The following SENP5 variants were observed in gnomAD, a reference collection of about 807,000 sequenced individuals.
SENP5 encodes the protein sentrin-specific protease 5.
SENP5 carries 21 observed loss-of-function variants against 74.2 expected under a neutral mutation model. That is an observed-to-expected ratio of 0.28 (90% confidence interval 0.20 to 0.41). The LOEUF is 0.41. Ranked by LOEUF, SENP5 falls within the 10% of genes least tolerant of loss-of-function variation. SENP5 has a pLI of 1.00. For synonymous variants in SENP5, 311 were observed against 312.7 expected (o/e 0.99, Z 0.06); for missense variants, 717 against 889.1 (o/e 0.81, Z 2.46).
intron 2 of SENP5, among the ~76,000 whole-genome samples, chr3:196,898,459 G>A (rs1012061126): frequency 3.8e-4 from 58 of 151,670 alleles, no homozygotes; most frequent in Non-Finnish European, 5.9e-4. Flanking sequence ...AATTAGCTGG[G>A]TGTGGTTTCA....
At position 196,886,041 on chromosome 3, in the gene SENP5, G is replaced by C; in HGVS notation, c.860G>C (p.Ser287Thr). The C allele has an allele frequency of 6.2e-7, 1 of 1,614,182 alleles. No homozygotes were observed. The highest frequency in any genetic ancestry group is 8.5e-7 in the Non-Finnish European group (1 of 1,180,028). Residue 287 changes from serine (S) to threonine (T), a missense_variant, in exon 2 of 10, where the codon AGT becomes ACT. By Grantham distance (58) the Ser-to-Thr change is moderately conservative (BLOSUM62 1). Coordinates refer to ENST00000323460, the MANE Select transcript of SENP5 (RefSeq NM_152699.5). ...ETRRENGEGG[S>T]CSPFPSPEPK... is the part of the protein sequence containing the mutation. ...CGTAGGGAGAACGGTGAGGGTGGCA[G>C]TTGCAGCCCATTTCCTTCCCCAGAA...
chr3:196,907,255 C>T (rs1276150807), intron 6 of SENP5, among the ~76,000 whole-genome samples: 2 of 151,904 alleles, frequency 1.3e-5, no homozygotes, highest in Non-Finnish European at 2.9e-5. Flanking sequence ...AGGCGGATCA[C>T]GAGGTCAGGA....
chr3:196,913,735 T>C, intron 6 of SENP5: 1 of 144,706 alleles, frequency 6.9e-6, no homozygotes, highest in Non-Finnish European at 1.5e-5. Context: ...CTGCAACCTC[T>C]GCCTCCTGGG....
chr3:196,882,955 TTA>T (rs1713793382), intron 1 of SENP5, among the ~76,000 whole-genome samples: 1 of 150,986 alleles, frequency 6.6e-6, no homozygotes, highest in African/African-American at 2.4e-5. Context: ...GGTGGACTAG[TTA>T]TAGTCTCCAG....
At chr3:196,882,118 C>T (rs781417439) in intron 1 of SENP5, among the ~76,000 whole-genome samples, 32 of 151,910 alleles carry the variant, frequency 2.1e-4, no homozygotes, top group Non-Finnish European at 8.8e-5. Flanking sequence ...AGGTTGGTCT[C>T]GAACTCCTGA....
At chr3:196,896,787 C>G (rs745525437) in intron 2 of SENP5, among the ~76,000 whole-genome samples, 4 of 151,990 alleles carry the variant, frequency 2.6e-5, no homozygotes, top group African/African-American at 9.7e-5. Context: ...ATCTTAACAC[C>G]CAGGGAGGCT....
chr3:196,882,262 T>C (rs1018888866), intron 1 of SENP5, among the ~76,000 whole-genome samples: 1 of 152,116 alleles, frequency 6.6e-6, no homozygotes, highest in Non-Finnish European at 1.5e-5. Flanking sequence ...TGACCATTTT[T>C]AGGTGTACAG....
chr3:196,879,357 T>C (rs1156712751), intron 1 of SENP5, among the ~76,000 whole-genome samples: 7 of 152,226 alleles, frequency 4.6e-5, no homozygotes, highest in Non-Finnish European at 8.8e-5. Flanking sequence ...TGTACATTTT[T>C]CTGTTGTCCC....
intron 1 of SENP5, among the ~76,000 whole-genome samples, chr3:196,880,681 C>T (rs1713687040): frequency 8.9e-6 from 1 of 112,684 alleles, no homozygotes; most frequent in African/African-American, 3.5e-5. Context: ...TGCTTTTGTA[C>T]CCCAGGCTGG....
intron 1 of SENP5, among the ~76,000 whole-genome samples, chr3:196,869,713 A>G: frequency 8.1e-6 from 1 of 123,678 alleles, no homozygotes. Flanking sequence ...GAGCTGAGAT[A>G]GTGCCATTAC....
In SENP5 at chr3:196,931,774, A is replaced by G. The variant is rs1716046963; in HGVS notation, c.*851A>G. ...CAAATGAGAATGCAGCTGTTCTCAG[A>G]GTAATTTTTAAGTTGTCATTTCCCT... On this transcript the variant is annotated 3_prime_UTR_variant, in exon 10 of 10. Transcript: ENST00000323460. 1 of 322,502 alleles carries G rather than the reference A, an allele frequency of 3.1e-6. No individual in the cohort carries two copies. Among genetic ancestry groups the G allele is most frequent in the South Asian group, 2.4e-5 (1 of 42,294 alleles). The allele number at this position is 322,502 out of a possible 1,614,324, so 20.0% of individuals were successfully genotyped here. A position where few individuals can be genotyped will look rare whatever the true frequency, so the allele number is the denominator to read the frequency against.
rs1453349110 is a variant in SENP5 at position 196,931,307 on chromosome 3, T to C, written c.*384T>C. 3.6e-5 allele frequency: 6 copies of C among 165,916 alleles called. No homozygotes were observed. The East Asian group carries it at 1.1e-3, about 29-fold the overall frequency. 10.3% of individuals were successfully genotyped at this position (165,916 alleles called of 1,614,324 possible). A position where few individuals can be genotyped will look rare whatever the true frequency, so the allele number is the denominator to read the frequency against. On this transcript the variant is annotated 3_prime_UTR_variant, in exon 10 of 10. Transcript: ENST00000323460. The stretch of plus-strand genomic sequence containing the variant: ...CAAATTTACTCCCAGAACCTAAAAA[T>C]GCAAGATGTTTTTGATACAACATAA...
At chr3:196,913,278 A>G (rs912911893) in intron 6 of SENP5, 10 of 152,172 alleles carry the variant, frequency 6.6e-5, no homozygotes, top group Non-Finnish European at 1.3e-4. Context: ...TTGAACATGT[A>G]CTTAGCCACA....
intron 1 of SENP5, among the ~76,000 whole-genome samples, chr3:196,879,307 T>C (rs1713620882): frequency 6.6e-6 from 1 of 152,242 alleles, no homozygotes. Flanking sequence ...AGTTAAGCCA[T>C]GTAGTATACC....
intron 5 of SENP5, among the ~76,000 whole-genome samples, chr3:196,900,995 G>C (rs1461114046): frequency 6.6e-6 from 1 of 151,794 alleles, no homozygotes; most frequent in Non-Finnish European, 1.5e-5. Context: ...TTTTTTGGTG[G>C]GGAGATGTGC....
chr3:196,870,692 ATTT>A (rs1238036810), intron 1 of SENP5, among the ~76,000 whole-genome samples: 2 of 151,696 alleles, frequency 1.3e-5, no homozygotes, highest in African/African-American at 4.8e-5. Context: ...TAATTTTTGT[ATTT>A]TTAGTAGAGA....
Position 196,885,884 on chromosome 3 carries a change from A to G in SENP5, c.703A>G (p.Lys235Glu). ...IKLSPLMMYE[K>E]LSMIRFRYRI... ...ATTATCTCCTCTTATGATGTATGAG[A>G]AATTATCCATGATTAGATTTCGGTA... Residue 235 changes from lysine (K) to glutamate (E), a missense_variant, in exon 2 of 10, where the codon AAA becomes GAA. Physicochemically the swap from Lys to Glu is moderately conservative, Grantham distance 56. Coordinates refer to ENST00000323460, the MANE Select transcript of SENP5 (RefSeq NM_152699.5). 2 of 1,613,644 alleles carry G rather than the reference A, an allele frequency of 1.2e-6. No individual in the cohort carries two copies. Among genetic ancestry groups the G allele is most frequent in the Non-Finnish European group, 1.7e-6 (2 of 1,179,944 alleles).
In SENP5 at chr3:196,880,638, C is replaced by CTTTTT. The variant is rs56188124; in HGVS notation, c.-31-4497_-31-4493dup. Among the ~76,000 whole-genome samples the CTTTTT allele has an allele frequency of 1.2e-3, 120 of 101,914 alleles. 1 individual carries two copies. Among genetic ancestry groups the CTTTTT allele is most frequent in the Middle Eastern group, 5.8e-3 (1 of 172 alleles). 66.9% of individuals were successfully genotyped at this position (101,914 alleles called of 152,430 possible). A position where few individuals can be genotyped will look rare whatever the true frequency, so the allele number is the denominator to read the frequency against. On this transcript the variant is annotated intron_variant, in intron 1 of 9. Coordinates refer to ENST00000323460, the MANE Select transcript of SENP5 (RefSeq NM_152699.5). ...GATTGAAGAGTATTAGCCAGTTATT[C>CTTTTT]TTTTTTTTTTTTTTTTTTTTGAGAC...
In SENP5 at chr3:196,931,151, C is replaced by T. The variant is rs186386131; in HGVS notation, c.*228C>T. 4.2e-6 allele frequency: 2 copies of T among 481,192 alleles called. No individual in the cohort carries two copies. Among genetic ancestry groups the T allele is most frequent in the East Asian group, 7.2e-5 (2 of 27,686 alleles). 29.8% of individuals were successfully genotyped at this position (481,192 alleles called of 1,614,324 possible). On this transcript the variant is annotated 3_prime_UTR_variant, in exon 10 of 10. Coordinates refer to ENST00000323460, the MANE Select transcript of SENP5 (RefSeq NM_152699.5). ...TTAATTTTATGGTTCTGTGCGTCCCCCATATTTAATATTTATTATTCAAAC... is the reference window on the plus strand; with the variant it reads ...TTAATTTTATGGTTCTGTGCGTCCCTCATATTTAATATTTATTATTCAAAC...
Sources: gnomAD v4.1 joint callset for allele counts (sites outside exome capture counted in the v4.1 genomes callset) on GRCh38, gnomAD v4.1.1 for gene constraint, MANE v1.5 for transcripts, NCBI Gene and HGNC (gene_info 2026-07-23, HGNC 2026-07-21) for gene names.